The following CAMK1D variants were observed in gnomAD, a reference collection of about 807,000 sequenced individuals.
The protein encoded by CAMK1D is calcium/calmodulin dependent protein kinase ID, also known as calcium/calmodulin-dependent protein kinase type 1D.
Under a neutral mutation model 47.7 loss-of-function variants are expected in CAMK1D, and 9 were observed. That is an observed-to-expected ratio of 0.19 (90% CI 0.11 to 0.33). The LOEUF is 0.33. Ranked by LOEUF, CAMK1D falls within the 10% of genes least tolerant of loss-of-function variation. The pLI is 1.00. For synonymous variants in CAMK1D, 184 were observed against 184.9 expected (o/e 0.99, Z 0.04); for missense variants, 291 against 488.7 (o/e 0.60, Z 3.81).
chr10:12,653,061 G>A (rs1410382115), intron 2 of CAMK1D: 1 of 154,046 alleles, frequency 6.5e-6, no homozygotes, highest in Admixed American at 6.5e-5. Flanking sequence ...GCTGCATCTA[G>A]TGAGAACCTT....
rs557399239 is a variant in CAMK1D at position 12,522,772 on chromosome 10, G to A, written c.93-30453G>A. Among the ~76,000 whole-genome samples the A allele has an allele frequency of 3.7e-3, 556 of 150,284 alleles. 3 individuals carry two copies. The highest frequency in any genetic ancestry group is 0.013 in the African/African-American group (532 of 40,898). ...GGGCTCCTCACTTCCCAGAAGGGGC[G>A]GCCGGGCAGAGGCGCCCACCACCTC... On this transcript the variant is annotated intron_variant, in intron 1 of 10. Transcript: ENST00000619168.
intron 1 of CAMK1D, among the ~76,000 whole-genome samples, chr10:12,476,369 A>G (rs563512042): frequency 6.6e-6 from 1 of 152,118 alleles, no homozygotes; most frequent in South Asian, 2.1e-4. Context: ...GGATGTCTGG[A>G]AAAGGGGGAG....
intron 1 of CAMK1D, among the ~76,000 whole-genome samples, chr10:12,470,527 T>TA (rs1428140230): frequency 6.6e-6 from 1 of 151,946 alleles, no homozygotes; most frequent in East Asian, 1.9e-4. Flanking sequence ...CTTCTTTTTT[T>TA]TTTCTTCCAA....
intron 4 of CAMK1D, among the ~76,000 whole-genome samples, chr10:12,761,646 T>G (rs1269914837): frequency 6.6e-6 from 1 of 152,104 alleles, no homozygotes; most frequent in Non-Finnish European, 1.5e-5. Flanking sequence ...CCCAGCACTT[T>G]GGGAGGCCGA....
intron 1 of CAMK1D, among the ~76,000 whole-genome samples, chr10:12,485,833 T>A (rs1834197243): frequency 6.6e-6 from 1 of 152,234 alleles, no homozygotes; most frequent in South Asian, 2.1e-4. Context: ...TAAGACCTGA[T>A]AGCCCTGTGA....
intron 1 of CAMK1D, among the ~76,000 whole-genome samples, chr10:12,431,169 T>G (rs1430009520): frequency 6.6e-6 from 1 of 152,266 alleles, no homozygotes; most frequent in East Asian, 1.9e-4. Context: ...TACTGCCTTA[T>G]TCTTGTAGTA....
At chr10:12,429,619 C>T (rs1422098302) in intron 1 of CAMK1D, among the ~76,000 whole-genome samples, 3 of 152,092 alleles carry the variant, frequency 2.0e-5, no homozygotes, top group Admixed American at 6.5e-5. Context: ...GGATTACAGG[C>T]GTGAGCCACC....
In CAMK1D at chr10:12,649,230, T is replaced by C. The variant is rs1839894205; in HGVS notation, c.225-17506T>C. On this transcript the variant is annotated intron_variant, in intron 2 of 10. Coordinates refer to ENST00000619168, the MANE Select transcript of CAMK1D (RefSeq NM_153498.4). ...CGTACACACTAACACAGAGAGGCAG[T>C]TTACACAGAAAGTTCATTACCTTGA... Among the ~76,000 whole-genome samples, 4 of 152,220 alleles carry C rather than the reference T, an allele frequency of 2.6e-5. No individual in the cohort carries two copies. In the South Asian group the frequency reaches 8.3e-4, roughly 31 times the overall value.
chr10:12,486,037 C>T (rs1356276801), intron 1 of CAMK1D, among the ~76,000 whole-genome samples: 1 of 152,166 alleles, frequency 6.6e-6, no homozygotes, highest in Non-Finnish European at 1.5e-5. Context: ...AGCTTGTTGA[C>T]GTACGCTACA....
chr10:12,604,529 C>T (rs780167805), intron 2 of CAMK1D, among the ~76,000 whole-genome samples: 7 of 152,152 alleles, frequency 4.6e-5, no homozygotes, highest in Non-Finnish European at 1.0e-4. Context: ...TCCAGAAGTA[C>T]TTACTTGATG....
At chr10:12,475,940 G>A (rs1833889083) in intron 1 of CAMK1D, among the ~76,000 whole-genome samples, 1 of 152,070 alleles carries the variant, frequency 6.6e-6, no homozygotes, top group Non-Finnish European at 1.5e-5. Flanking sequence ...TGAGCGCAGC[G>A]TAGGAAATAG....
At chr10:12,489,864 C>T (rs1331300185) in intron 1 of CAMK1D, among the ~76,000 whole-genome samples, 4 of 152,156 alleles carry the variant, frequency 2.6e-5, no homozygotes, top group East Asian at 3.9e-4. Flanking sequence ...GCAGGGACCA[C>T]GGGCTGATGT....
chr10:12,720,524 TAA>T, intron 3 of CAMK1D, among the ~76,000 whole-genome samples: 1 of 152,314 alleles, frequency 6.6e-6, no homozygotes, highest in Admixed American at 6.5e-5. Flanking sequence ...ACTCATTGCT[TAA>T]GGGTAATAAG....
At chr10:12,794,033 T>C (rs1348959420) in intron 6 of CAMK1D, among the ~76,000 whole-genome samples, 1 of 152,162 alleles carries the variant, frequency 6.6e-6, no homozygotes. Flanking sequence ...TCTGATCTGA[T>C]TTACGTTCGA....
chr10:12,498,511 C>A (rs1248420085), intron 1 of CAMK1D, among the ~76,000 whole-genome samples: 1 of 152,158 alleles, frequency 6.6e-6, no homozygotes, highest in African/African-American at 2.4e-5. Flanking sequence ...ATCCCATATC[C>A]ACTGATGTGT....
At chr10:12,707,866 C>A (rs1833787432) in intron 3 of CAMK1D, among the ~76,000 whole-genome samples, 1 of 152,152 alleles carries the variant, frequency 6.6e-6, no homozygotes, top group African/African-American at 2.4e-5. Context: ...AAACATGCTC[C>A]CTCCAAGGCC....
At chr10:12,804,937 C>CAAA (rs145584740) in intron 6 of CAMK1D, among the ~76,000 whole-genome samples, 11,082 of 50,494 alleles carry the variant, frequency 0.22, 1,609 homozygotes, top group Admixed American at 0.27. Flanking sequence ...GACCCTGTCT[C>CAAA]AAAAAAAAAA....
chr10:12,719,699 C>G (rs1379597959), intron 3 of CAMK1D, among the ~76,000 whole-genome samples: 3 of 152,182 alleles, frequency 2.0e-5, no homozygotes, highest in Non-Finnish European at 4.4e-5. Context: ...CAGCACTGAA[C>G]CACTGCGTCC....
chr10:12,533,658 T>C (rs1835877723), intron 1 of CAMK1D, among the ~76,000 whole-genome samples: 4 of 152,180 alleles, frequency 2.6e-5, no homozygotes, highest in Admixed American at 2.6e-4. Context: ...CCCTCCAGTC[T>C]ACCCAGGTCA....
Sources: gnomAD v4.1 joint callset for allele counts (sites outside exome capture counted in the v4.1 genomes callset) on GRCh38, gnomAD v4.1.1 for gene constraint, MANE v1.5 for transcripts, NCBI Gene and HGNC (gene_info 2026-07-23, HGNC 2026-07-21) for gene names.